Variants in COG5 observed in about 807,000 individuals in gnomAD.
COG5 encodes the protein component of oligomeric golgi complex 5.
Under a neutral mutation model 110.4 loss-of-function variants are expected in COG5, and 86 were observed. That is an observed-to-expected ratio of 0.78 (90% CI 0.65 to 0.93). The LOEUF (loss-of-function observed/expected upper bound fraction) is 0.93, where lower values mean the gene tolerates loss of function less well. Ranked by LOEUF, COG5 falls within the 40% of genes least tolerant of loss-of-function variation. The pLI, the probability that COG5 is intolerant of heterozygous loss-of-function variation, is 0.00. For synonymous variants in COG5, 360 were observed against 334.6 expected (o/e 1.08, Z -0.83); for missense variants, 1,077 against 987.0 (o/e 1.09, Z -1.22).
At chr7:107,561,322 G>A (rs1319783764) in intron 1 of COG5, among the ~76,000 whole-genome samples, 1 of 152,138 alleles carries the variant, frequency 6.6e-6, no homozygotes, top group African/African-American at 2.4e-5. Context: ...GTGAATCAAA[G>A]TTTCTGCTGG....
At chr7:107,396,602 A>G (rs1791031526) in intron 7 of COG5, among the ~76,000 whole-genome samples, 1 of 152,054 alleles carries the variant, frequency 6.6e-6, no homozygotes, top group African/African-American at 2.4e-5. Flanking sequence ...TTAGAAGAGG[A>G]AAGTTCTACA....
chr7:107,353,192 G>A (rs1425526493), intron 10 of COG5, among the ~76,000 whole-genome samples: 5 of 152,026 alleles, frequency 3.3e-5, no homozygotes, highest in African/African-American at 7.2e-5. Flanking sequence ...TTGGGAGGCC[G>A]AGGTGGGCGG....
intron 7 of COG5, among the ~76,000 whole-genome samples, chr7:107,400,439 A>T (rs947216622): frequency 6.6e-6 from 1 of 152,144 alleles, no homozygotes; most frequent in African/African-American, 2.4e-5. Flanking sequence ...CTCCAGCACA[A>T]GAGTGTTTAA....
In COG5 at chr7:107,514,903, C is replaced by T. The variant is rs530586238; in HGVS notation, c.538+12334G>A. On this transcript the variant is annotated intron_variant, in intron 6 of 21. Coordinates refer to ENST00000297135, the MANE Select transcript of COG5 (RefSeq NM_006348.5). ...GAAGACTAGGCAGAGACTGGTTTAC[C>T]CCATGGATATTATCATCATCATCAT... Among the ~76,000 whole-genome samples the T allele has an allele frequency of 6.6e-5, 10 of 152,104 alleles. 3 individuals carry two copies. The highest frequency in any genetic ancestry group is 2.4e-4 in the African/African-American group (10 of 41,504).
At chr7:107,492,564 C>T (rs758987368) in intron 6 of COG5, among the ~76,000 whole-genome samples, 2 of 152,154 alleles carry the variant, frequency 1.3e-5, no homozygotes, top group Non-Finnish European at 2.9e-5. Flanking sequence ...GAGGACCTCA[C>T]TTCCTTGCAG....
chr7:107,294,005 A>C (rs1806388709), intron 12 of COG5, among the ~76,000 whole-genome samples: 1 of 152,090 alleles, frequency 6.6e-6, no homozygotes, highest in Non-Finnish European at 1.5e-5. Flanking sequence ...CCAGGAGACA[A>C]AAGTTGCTGT....
intron 19 of COG5, among the ~76,000 whole-genome samples, chr7:107,225,258 G>A (rs928490729): frequency 2.0e-5 from 3 of 151,986 alleles, no homozygotes; most frequent in South Asian, 2.1e-4. Flanking sequence ...GTCAACTCAC[G>A]CCTGCTCTTT....
At chr7:107,536,110 T>G (rs1456522803) in intron 5 of COG5, among the ~76,000 whole-genome samples, 1 of 152,208 alleles carries the variant, frequency 6.6e-6, no homozygotes, top group Non-Finnish European at 1.5e-5. Context: ...CAGCCCTTCA[T>G]GCTAAAAACA....
intron 6 of COG5, among the ~76,000 whole-genome samples, chr7:107,524,071 A>T (rs902098784): frequency 6.6e-6 from 1 of 152,210 alleles, no homozygotes; most frequent in African/African-American, 2.4e-5. Flanking sequence ...ACCAGCTATG[A>T]TCTATCAATG....
intron 14 of COG5, among the ~76,000 whole-genome samples, chr7:107,278,700 A>T (rs759139126): frequency 1.3e-5 from 2 of 152,144 alleles, no homozygotes; most frequent in Non-Finnish European, 2.9e-5. Context: ...GATTCCCTAT[A>T]TAATAAATGG....
chr7:107,368,041 C>G (rs1259905592), intron 8 of COG5, among the ~76,000 whole-genome samples: 1 of 151,912 alleles, frequency 6.6e-6, no homozygotes, highest in African/African-American at 2.4e-5. Context: ...ACATAACTAA[C>G]AACTGGCAAA....
intron 7 of COG5, among the ~76,000 whole-genome samples, chr7:107,391,168 G>A (rs768174619): frequency 6.6e-6 from 1 of 151,926 alleles, no homozygotes; most frequent in Non-Finnish European, 1.5e-5. Context: ...GTCATTTAAC[G>A]TGTGCTGAAT....
chr7:107,227,519 T>C (rs1337062963), intron 19 of COG5, among the ~76,000 whole-genome samples: 2 of 152,176 alleles, frequency 1.3e-5, no homozygotes, highest in African/African-American at 4.8e-5. Context: ...TAGAGATTCT[T>C]TCTCTCATGT....
intron 12 of COG5, among the ~76,000 whole-genome samples, chr7:107,292,763 A>C (rs1806284319): frequency 6.6e-6 from 1 of 152,190 alleles, no homozygotes; most frequent in East Asian, 1.9e-4. Context: ...TAATCACCCC[A>C]GCACCTGGGG....
At chr7:107,430,368 C>T (rs1793939847) in intron 6 of COG5, among the ~76,000 whole-genome samples, 1 of 152,188 alleles carries the variant, frequency 6.6e-6, no homozygotes, top group South Asian at 2.1e-4. Context: ...ACATTGTCTT[C>T]ACATTCTTGT....
intron 14 of COG5, among the ~76,000 whole-genome samples, chr7:107,264,161 A>G (rs1358956248): frequency 1.3e-5 from 2 of 152,186 alleles, no homozygotes; most frequent in Non-Finnish European, 2.9e-5. Flanking sequence ...GAAGACATCA[A>G]TAATCAATTG....
At chr7:107,294,976 T>C (rs141937719) in intron 12 of COG5, among the ~76,000 whole-genome samples, 10,780 of 128,774 alleles carry the variant, frequency 0.084, 751 homozygotes, top group African/African-American at 0.18. Flanking sequence ...CATATATATA[T>C]ACACATATAT....
In COG5 at chr7:107,423,369, CTG is replaced by C. The variant is rs1287448523; in HGVS notation, c.539-10739_539-10738del. Among the ~76,000 whole-genome samples, 3 of 152,198 alleles carry C rather than the reference CTG, an allele frequency of 2.0e-5. No individual in the cohort carries two copies. In the East Asian group the frequency reaches 5.8e-4, roughly 29 times the overall value. ...TATCATCGTGGAAAACTATGAATAA[CTG>C]AACAACTTAGCAAAACGACCAGAGC... On this transcript the variant is annotated intron_variant, in intron 6 of 21. Coordinates refer to ENST00000297135, the MANE Select transcript of COG5 (RefSeq NM_006348.5).
At chr7:107,300,832 G>A (rs1337795875) in intron 11 of COG5, among the ~76,000 whole-genome samples, 1 of 152,056 alleles carries the variant, frequency 6.6e-6, no homozygotes, top group Non-Finnish European at 1.5e-5. Context: ...ATATGAAAAT[G>A]TAAAGAACCC....
Sources: gnomAD v4.1 joint callset for allele counts (sites outside exome capture counted in the v4.1 genomes callset) on GRCh38, gnomAD v4.1.1 for gene constraint, MANE v1.5 for transcripts, NCBI Gene and HGNC (gene_info 2026-07-23, HGNC 2026-07-21) for gene names.